Variants in GLS observed in about 807,000 individuals in gnomAD.
The protein encoded by GLS is glutaminase, also known as glutaminase kidney isoform, mitochondrial.
A neutral mutation model predicts 86.7 loss-of-function variants in GLS; 36 were observed. The observed-to-expected ratio is 0.42, with a 90% CI of 0.32 to 0.55. The LOEUF (loss-of-function observed/expected upper bound fraction) is 0.55, where lower values mean the gene tolerates loss of function less well. Among genes scored for constraint, GLS ranks in the 20% least tolerant of loss-of-function variants. The pLI is 0.17. For synonymous variants in GLS, 317 were observed against 305.9 expected (o/e 1.04, Z -0.38); for missense variants, 528 against 833.4 (o/e 0.63, Z 4.51).
chr2:190,905,512 A>G lies in GLS; in HGVS notation c.979+345A>G, dbSNP rs748158484. Among the ~76,000 whole-genome samples the G allele has an allele frequency of 4.6e-5, 7 of 152,134 alleles. No homozygotes were observed. The highest frequency in any genetic ancestry group is 1.0e-4 in the Non-Finnish European group (7 of 67,948). Reference sequence around the variant, plus strand: ...CTATATGTTGGTAATTATTGCAGCTAAATGATAGGTGCATGGGTGTTTGTA... The same window carrying G: ...CTATATGTTGGTAATTATTGCAGCTGAATGATAGGTGCATGGGTGTTTGTA... On this transcript the variant is annotated intron_variant, in intron 6 of 17. Coordinates refer to ENST00000320717, the MANE Select transcript of GLS (RefSeq NM_014905.5). This position sits in a 1 kb window ranked among gnomAD's most constrained non-coding sequence, Gnocchi z 4.6.
chr2:190,928,892 G>GTTTTTTTTTTTTTTT (rs367999647), intron 12 of GLS, among the ~76,000 whole-genome samples: 1 of 12,824 alleles, frequency 7.8e-5, no homozygotes, highest in Non-Finnish European at 1.4e-4. Flanking sequence ...ATTCAGGTGT[G>GTTTTTTTTTTTTTTT]TTTTTTTTTT....
intron 17 of GLS, among the ~76,000 whole-genome samples, chr2:190,957,428 G>T (rs1690887241): frequency 6.6e-6 from 1 of 152,174 alleles, no homozygotes; most frequent in South Asian, 2.1e-4. Flanking sequence ...GTCCTAGCCA[G>T]AACTGCCAAT....
intron 11 of GLS, among the ~76,000 whole-genome samples, chr2:190,926,654 T>A (rs1211439326): frequency 6.6e-6 from 1 of 152,146 alleles, no homozygotes; most frequent in Non-Finnish European, 1.5e-5. Flanking sequence ...AATGCAAAAA[T>A]TTTATCCTAG....
Position 190,920,417 on chromosome 2 carries a change from G to C in GLS, c.1039-607G>C, listed in dbSNP as rs1027340484. Among the ~76,000 whole-genome samples, 6 of 151,936 alleles carry C rather than the reference G, an allele frequency of 3.9e-5. No homozygotes were observed. The highest frequency in any genetic ancestry group is 4.8e-5 in the African/African-American group (2 of 41,520). On this transcript the variant is annotated intron_variant, in intron 7 of 17. Transcript: ENST00000320717. This position sits in a 1 kb window ranked among gnomAD's most constrained non-coding sequence, Gnocchi z 4.2. Reference sequence around the variant, plus strand: ...AACAGAAGCTAATTTTTTAGAGACTGTGAAATATAATTTTTTTTAGTTCAA... The same window carrying C: ...AACAGAAGCTAATTTTTTAGAGACTCTGAAATATAATTTTTTTTAGTTCAA...
intron 12 of GLS, among the ~76,000 whole-genome samples, chr2:190,928,121 G>A (rs12992618): frequency 0.45 from 68,553 of 151,716 alleles, 18,836 homozygotes; most frequent in Non-Finnish European, 0.62. Flanking sequence ...TGTTTCATCT[G>A]TATGTGCATC....
chr2:190,941,462 G>A (rs1241231272), intron 14 of GLS, among the ~76,000 whole-genome samples: 1 of 152,158 alleles, frequency 6.6e-6, no homozygotes, highest in Non-Finnish European at 1.5e-5. Context: ...GATGCAGAGA[G>A]CATGGTTAGC....
rs2125967360 is a variant in GLS, at chr2:190,881,235, G to A, written c.151G>A (p.Ala51Thr). The A allele has an allele frequency of 8.0e-7, 1 of 1,248,516 alleles. No homozygotes were observed. The highest frequency in any genetic ancestry group is 1.0e-6 in the Non-Finnish European group (1 of 999,620). The allele number at this position is 1,248,516 out of a possible 1,614,324, so 77.3% of individuals were successfully genotyped here. A position where few individuals can be genotyped will look rare whatever the true frequency, so the allele number is the denominator to read the frequency against. The change falls in exon 1 of 18, where the codon GCC (alanine) becomes ACC (threonine). Residue 51 changes from alanine to threonine, a missense_variant. Physicochemically the swap from Ala to Thr is moderately conservative, Grantham distance 58. This residue lies in a region of GLS where 224 missense variants were observed against 187.9 expected (regional missense o/e 1.19). Transcript: ENST00000320717. Reference protein sequence around the residue: ...GGRPAAGPAAAARLHPWWGGG... With the variant: ...GGRPAAGPAATARLHPWWGGG... ...ACGGCCGGCCGCGGGCCCGGCTGCCGCCGCGCGACTCCACCCGTGGTGGGG... is the reference window on the plus strand; with the variant it reads ...ACGGCCGGCCGCGGGCCCGGCTGCCACCGCGCGACTCCACCCGTGGTGGGG...
chr2:190,887,454 C>G (rs1688423974), intron 1 of GLS, among the ~76,000 whole-genome samples: 1 of 152,022 alleles, frequency 6.6e-6, no homozygotes, highest in Admixed American at 6.6e-5. Context: ...ACTTTCGAAA[C>G]ATAGAACTGT....
intron 7 of GLS, among the ~76,000 whole-genome samples, chr2:190,915,288 C>A (rs1176468598): frequency 6.6e-6 from 1 of 151,982 alleles, no homozygotes; most frequent in Non-Finnish European, 1.5e-5. Flanking sequence ...ACGTGAGCCA[C>A]CGCGCCCGGC....
At position 190,956,472 on chromosome 2, in the gene GLS, G is replaced by A. The variant is rs906894044; in HGVS notation, c.1853+1654G>A. Among the ~76,000 whole-genome samples, 9 of 152,020 alleles carry A rather than the reference G, an allele frequency of 5.9e-5. No homozygotes were observed. Among genetic ancestry groups the A allele is most frequent in the Non-Finnish European group, 1.0e-4 (7 of 67,990 alleles). On this transcript the variant is annotated intron_variant, in intron 17 of 17. Coordinates refer to ENST00000320717, the MANE Select transcript of GLS (RefSeq NM_014905.5). The surrounding 1 kb of genome is among the most constrained non-coding windows in gnomAD (Gnocchi z 4.2). ...TTCCATTGCTCTGTGTATCTATTTTGGTATCAGTACCATACTGTTTTGATT... is the reference window on the plus strand; with the variant it reads ...TTCCATTGCTCTGTGTATCTATTTTAGTATCAGTACCATACTGTTTTGATT...
In GLS at chr2:190,924,621, T is replaced by A; in HGVS notation, c.1248+28T>A. On this transcript the variant is annotated intron_variant, in intron 11 of 17. Transcript: ENST00000320717. The surrounding 1 kb of genome is among the most constrained non-coding windows in gnomAD (Gnocchi z 5.2). ...AATCTAATTATGTAAATCGTATATATAAATGGATGTGTCGGCTGGGCACGG... is the reference window on the plus strand; with the variant it reads ...AATCTAATTATGTAAATCGTATATAAAAATGGATGTGTCGGCTGGGCACGG... 1 of 1,236,196 alleles carries A rather than the reference T, an allele frequency of 8.1e-7. No individual in the cohort carries two copies. The highest frequency in any genetic ancestry group is 1.9e-4 in the Middle Eastern group (1 of 5,308). The allele number at this position is 1,236,196 out of a possible 1,614,324, so 76.6% of individuals were successfully genotyped here.
chr2:190,916,017 A>T (rs1361176863), intron 7 of GLS, among the ~76,000 whole-genome samples: 2 of 152,214 alleles, frequency 1.3e-5, no homozygotes, highest in East Asian at 3.8e-4. Flanking sequence ...AAAACTTTTA[A>T]AATTTCAATC....
chr2:190,892,269 A>G (rs1688591000), intron 1 of GLS, among the ~76,000 whole-genome samples: 1 of 152,192 alleles, frequency 6.6e-6, no homozygotes, highest in Non-Finnish European at 1.5e-5. Context: ...TTAGAAAGGA[A>G]ACGAGAGAGA....
intron 1 of GLS, among the ~76,000 whole-genome samples, chr2:190,883,103 T>C (rs574100381): frequency 6.6e-6 from 1 of 152,260 alleles, no homozygotes; most frequent in Admixed American, 6.5e-5. Context: ...CTCTTTTTTT[T>C]CCTCTTTTGT....
intron 1 of GLS, among the ~76,000 whole-genome samples, chr2:190,884,470 G>A (rs1009165922): frequency 2.6e-5 from 4 of 152,222 alleles, no homozygotes; most frequent in African/African-American, 9.6e-5. Context: ...GATCTGGAAT[G>A]AGCATTATAT....
Position 190,923,945 on chromosome 2 carries a change from C to T in GLS, c.1159C>T (p.Arg387Ter). 6.4e-7 allele frequency: 1 copy of T among 1,566,066 alleles called. No individual in the cohort carries two copies. The highest frequency in any genetic ancestry group is 8.7e-7 in the Non-Finnish European group (1 of 1,144,468). The change falls in exon 10 of 18, where the codon CGA becomes TGA. Residue 387 changes from arginine to a stop codon, truncating the protein, a stop_gained. Transcript: ENST00000320717. LOFTEE classifies it high-confidence loss of function. The part of the protein sequence containing the change: ...TFQSERESGD[R>*]NFAIGYYLKE... ...TCAGTCTGAAAGAGAAAGTGGAGATCGAAATTTTGCAATAGGATATTACTT... is the reference window on the plus strand; with the variant it reads ...TCAGTCTGAAAGAGAAAGTGGAGATTGAAATTTTGCAATAGGATATTACTT...
At position 190,895,629 on chromosome 2, in the gene GLS, C is replaced by T. The variant is rs1203764649; in HGVS notation, c.509C>T (p.Thr170Met). The part of the protein sequence containing the change: ...ITALKSTGLR[T>M]SDPRLKECMD... ...GCACTCAAATCTACAGGATTGCGAA[C>T]GTCTGATCCCAGGTTGAAAGAGTGT... Residue 170 changes from threonine to methionine, a missense_variant, in exon 3 of 18, where the codon ACG becomes ATG. By Grantham distance (81) the Thr-to-Met change is moderately conservative. This residue lies in a region of GLS where 111 missense variants were observed against 179.5 expected (regional missense o/e 0.62). Transcript: ENST00000320717. The surrounding 1 kb of genome is among the most constrained non-coding windows in gnomAD (Gnocchi z 4.2). 1.9e-6 allele frequency: 3 copies of T among 1,603,656 alleles called. No homozygotes were observed. Among genetic ancestry groups the T allele is most frequent in the East Asian group, 2.2e-5 (1 of 44,772 alleles).
intron 12 of GLS, among the ~76,000 whole-genome samples, chr2:190,928,189 AAACAT>A (rs1689962314): frequency 6.6e-6 from 1 of 152,070 alleles, no homozygotes; most frequent in Admixed American, 6.5e-5. Context: ...ATCCTTAACA[AAACAT>A]AACAATAATA....
At position 190,914,860 on chromosome 2, in the gene GLS, T is replaced by C. The variant is rs1053554964; in HGVS notation, c.1038+4539T>C. On this transcript the variant is annotated intron_variant, in intron 7 of 17. Transcript: ENST00000320717. This position sits in a 1 kb window ranked among gnomAD's most constrained non-coding sequence, Gnocchi z 4.4. Reference sequence around the variant, plus strand: ...TAATACATGAATCAATTCATAAATATGTTGTAAAAACTATAAAACATTGCA... The same window carrying C: ...TAATACATGAATCAATTCATAAATACGTTGTAAAAACTATAAAACATTGCA... Among the ~76,000 whole-genome samples the C allele has an allele frequency of 6.6e-6, 1 of 152,192 alleles. No homozygotes were observed. The highest frequency in any genetic ancestry group is 1.5e-5 in the Non-Finnish European group (1 of 68,024).
Sources: gnomAD v4.1 joint callset for allele counts (sites outside exome capture counted in the v4.1 genomes callset) on GRCh38, gnomAD v4.1.1 for gene constraint, gnomAD v4.1.1 regional missense constraint, Gnocchi (gnomAD v3.1) non-coding constraint, MANE v1.5 for transcripts, NCBI Gene and HGNC (gene_info 2026-07-23, HGNC 2026-07-21) for gene names.